The following PCDH15 variants were observed in gnomAD, a reference collection of about 807,000 sequenced individuals.
PCDH15 encodes protocadherin related 15, also known as protocadherin-15.
A neutral mutation model predicts 178.5 loss-of-function variants in PCDH15; 129 were observed. That is an observed-to-expected ratio of 0.72 (90% confidence interval 0.63 to 0.84). The LOEUF (loss-of-function observed/expected upper bound fraction) is 0.84, where lower values mean the gene tolerates loss of function less well. Ranked by LOEUF, PCDH15 falls within the 40% of genes least tolerant of loss-of-function variation. PCDH15 has a pLI of 0.00. For missense variants in PCDH15, 2,230 were observed against 2,099.9 expected, an observed-to-expected ratio of 1.06 and a Z score of -1.21; for synonymous variants, 800 against 732.0, an observed-to-expected ratio of 1.09 and a Z score of -1.50.
chr10:54,470,454 A>C (rs1397685594), intron 3 of PCDH15, among the ~76,000 whole-genome samples: 1 of 152,116 alleles, frequency 6.6e-6, no homozygotes, highest in African/African-American at 2.4e-5. Context: ...GTTGGACTCT[A>C]GGGCAGGATG....
chr10:55,213,750 T>C (rs562261653), intron 1 of PCDH15, among the ~76,000 whole-genome samples: 67 of 152,030 alleles, frequency 4.4e-4, no homozygotes, highest in Admixed American at 1.1e-3. Flanking sequence ...CAAAAACTTT[T>C]AGTTTATTGA....
chr10:55,472,465 C>CTTTT (rs71014493), intron 2 of PCDH15, among the ~76,000 whole-genome samples: 4 of 99,762 alleles, frequency 4.0e-5, no homozygotes, highest in Non-Finnish European at 6.1e-5. Flanking sequence ...TTTGAATTAG[C>CTTTT]TTTTTTTTTT....
intron 2 of PCDH15, among the ~76,000 whole-genome samples, chr10:55,544,135 CATACATATATATATATATATAT>C (rs1161777613): frequency 3.7e-4 from 36 of 96,206 alleles, no homozygotes; most frequent in African/African-American, 1.4e-3. Flanking sequence ...AAATCTTATA[CATACATATATATATATATATAT>C]ATATATATAT....
intron 2 of PCDH15, among the ~76,000 whole-genome samples, chr10:55,504,083 AATG>A (rs1565203405): frequency 6.6e-6 from 1 of 151,454 alleles, no homozygotes; most frequent in Non-Finnish European, 1.5e-5. Flanking sequence ...GTATGACTAT[AATG>A]ATGAATACAT....
intron 2 of PCDH15, among the ~76,000 whole-genome samples, chr10:55,384,804 T>C (rs1444112349): frequency 6.6e-6 from 1 of 152,184 alleles, no homozygotes; most frequent in Non-Finnish European, 1.5e-5. Context: ...TTTACTGTAA[T>C]AATTCATTAC....
chr10:54,022,884 C>G lies in PCDH15; in HGVS notation c.2526+8G>C. The G allele has an allele frequency of 6.2e-7, 1 of 1,613,542 alleles. No homozygotes were observed. The highest frequency in any genetic ancestry group is 8.5e-7 in the Non-Finnish European group (1 of 1,179,610). ...GGATTCATGTAATAAATGCTTTTTC[C>G]CACACACCTCTATTTGAAGGATGGT... On this transcript the variant is annotated splice_region_variant and intron_variant, in intron 19 of 37. Coordinates refer to ENST00000644397, the MANE Select transcript of PCDH15 (RefSeq NM_001384140.1).
At chr10:54,846,695 T>C (rs1036107587) in intron 3 of PCDH15, among the ~76,000 whole-genome samples, 1 of 152,168 alleles carries the variant, frequency 6.6e-6, no homozygotes, top group African/African-American at 2.4e-5. Flanking sequence ...ATATTGTCAC[T>C]GCTAATGAAT....
intron 1 of PCDH15, among the ~76,000 whole-genome samples, chr10:54,705,372 G>C (rs1398935623): frequency 6.6e-6 from 1 of 152,024 alleles, no homozygotes; most frequent in Non-Finnish European, 1.5e-5. Flanking sequence ...ACTGTCATTT[G>C]AATGTGGTAG....
Position 54,455,940 on chromosome 10 carries a change from A to G in PCDH15, c.157+71872T>C, listed in dbSNP as rs2076790454. ...CAAGCCTTGGCAGCTTACACATGGT[A>G]TTGGGCCTGCAGGTACACAGAAGTC... On this transcript the variant is annotated intron_variant, in intron 3 of 37. Transcript: ENST00000644397. Among the ~76,000 whole-genome samples the G allele has an allele frequency of 2.0e-5, 3 of 152,138 alleles. No homozygotes were observed. In the South Asian group the frequency reaches 6.2e-4, roughly 32 times the overall value.
At chr10:55,043,577 G>T (rs1374664308) in intron 2 of PCDH15, among the ~76,000 whole-genome samples, 1 of 151,842 alleles carries the variant, frequency 6.6e-6, no homozygotes, top group Non-Finnish European at 1.5e-5. Flanking sequence ...TGTCACAGTG[G>T]TGCATGTCTG....
At chr10:55,363,063 G>A (rs1489986788) in intron 2 of PCDH15, among the ~76,000 whole-genome samples, 1 of 152,188 alleles carries the variant, frequency 6.6e-6, no homozygotes, top group Non-Finnish European at 1.5e-5. Context: ...CAGTCCATGG[G>A]CTGTGGGTTG....
At chr10:54,187,605 GC>G (rs1431453864) in intron 11 of PCDH15, among the ~76,000 whole-genome samples, 1 of 151,772 alleles carries the variant, frequency 6.6e-6, no homozygotes, top group South Asian at 2.1e-4. Flanking sequence ...TTTCTTGAGT[GC>G]TTTTATAATA....
chr10:54,830,168 C>A (rs1953199538), intron 3 of PCDH15, among the ~76,000 whole-genome samples: 1 of 152,128 alleles, frequency 6.6e-6, no homozygotes, highest in South Asian at 2.1e-4. Context: ...TTGTGGAAGT[C>A]AATGTGGCGA....
chr10:53,900,927 C>G (rs1301075536), intron 26 of PCDH15, among the ~76,000 whole-genome samples: 1 of 152,092 alleles, frequency 6.6e-6, no homozygotes, highest in Non-Finnish European at 1.5e-5. Context: ...TTTTTTCCTA[C>G]ATCACACTAT....
rs114471155 is a variant in PCDH15, at chr10:54,899,814, T to A, written c.-79-2314A>T. ...CCGACCAAAGATTATATCTTTCTATTTGTATTACTCTTATAACTTTCTAAC... is the reference window on the plus strand; with the variant it reads ...CCGACCAAAGATTATATCTTTCTATATGTATTACTCTTATAACTTTCTAAC... On this transcript the variant is annotated intron_variant, in intron 2 of 5. Coordinates refer to the PCDH15 transcript ENST00000458638. Among the ~76,000 whole-genome samples, 1,174 of 151,902 alleles carry A rather than the reference T, an allele frequency of 7.7e-3. 16 individuals carry two copies. The highest frequency in any genetic ancestry group is 0.027 in the African/African-American group (1,126 of 41,420).
chr10:55,557,026 G>T (rs1174115855), intron 2 of PCDH15, among the ~76,000 whole-genome samples: 5 of 152,046 alleles, frequency 3.3e-5, no homozygotes, highest in Non-Finnish European at 7.4e-5. Context: ...GTATATTCTG[G>T]TGACTATCTC....
chr10:54,170,440 C>A (rs972037346), intron 13 of PCDH15, among the ~76,000 whole-genome samples: 1 of 151,870 alleles, frequency 6.6e-6, no homozygotes, highest in Non-Finnish European at 1.5e-5. Flanking sequence ...TAGAGGCCCT[C>A]AAAATCACAA....
At chr10:54,473,879 G>C (rs1228070980) in intron 3 of PCDH15, among the ~76,000 whole-genome samples, 1 of 151,644 alleles carries the variant, frequency 6.6e-6, no homozygotes, top group Admixed American at 6.6e-5. Flanking sequence ...AATTCCATTA[G>C]ATTTTCTAAA....
At chr10:53,909,654 T>C (rs145497690) in intron 25 of PCDH15, among the ~76,000 whole-genome samples, 26 of 152,116 alleles carry the variant, frequency 1.7e-4, no homozygotes, top group Middle Eastern at 3.4e-3. Context: ...CTGGGACTGG[T>C]TGGACAGAGG....
Sources: allele counts gnomAD v4.1 joint callset (sites outside exome capture counted in the v4.1 genomes callset), GRCh38; gene constraint gnomAD v4.1.1; transcripts MANE v1.5; gene names NCBI Gene and HGNC (gene_info 2026-07-23, HGNC 2026-07-21).